The following NRG4 variants were observed in gnomAD, a reference collection of about 807,000 sequenced individuals.
NRG4 encodes neuregulin 4, also known as pro-neuregulin-4, membrane-bound isoform.
A neutral mutation model predicts 15.0 loss-of-function variants in NRG4; 10 were observed. The ratio of observed to expected loss-of-function variants is 0.67; its 90% CI spans 0.41 to 1.13. NRG4 has a LOEUF of 1.13. NRG4 is among the 50% of genes most tolerant of loss of function. The probability of loss-of-function intolerance (pLI) is 0.00; values close to 1 mark genes in which losing one functional copy is unlikely to be tolerated. For synonymous variants in NRG4, 41 were observed against 50.1 expected (o/e 0.82, Z 0.77); for missense variants, 139 against 140.2 (o/e 0.99, Z 0.04).
Position 76,009,239 on chromosome 15 carries a change from A to T in NRG4, c.65T>A (p.Leu22His). 6.2e-7 allele frequency: 1 copy of T among 1,604,810 alleles called. No homozygotes were observed. The highest frequency in any genetic ancestry group is 8.5e-7 in the Non-Finnish European group (1 of 1,172,306). The change falls in exon 3 of 6, where the codon CTT (leucine) becomes CAT (histidine). Residue 22 changes from leucine (L) to histidine (H), a missense_variant. Leu to His is a moderately conservative substitution (Grantham distance 99). Transcript: ENST00000394907. ...GGGAATAGTAGGTATCACATAACAAAGCCCCCCATTCAGGCAAAACGACTT... is the reference window on the plus strand; with the variant it reads ...GGGAATAGTAGGTATCACATAACAATGCCCCCCATTCAGGCAAAACGACTT... Reference protein sequence around the residue: ...SHKSFCLNGGLCYVIPTIPSP... With the variant: ...SHKSFCLNGGHCYVIPTIPSP...
chr15:76,051,855 G>A lies in NRG4; in HGVS notation c.-105+212C>T, dbSNP rs1596066454. On this transcript the variant is annotated intron_variant, in intron 4 of 8. Coordinates refer to the NRG4 transcript ENST00000563910. Reference sequence around the variant, plus strand: ...CAAAGTGCTAGGATTACAGGCGTGAGCCACCGTGCCCAGCCTAATTGAACA... The same window carrying A: ...CAAAGTGCTAGGATTACAGGCGTGAACCACCGTGCCCAGCCTAATTGAACA... Among the ~76,000 whole-genome samples the A allele has an allele frequency of 4.0e-5, 6 of 151,020 alleles. 2 individuals are homozygous for A. In the South Asian group the frequency reaches 1.2e-3, roughly 31 times the overall value.
intron 4 of NRG4, among the ~76,000 whole-genome samples, chr15:76,050,971 ATTTTTAT>A (rs1013686132): frequency 5.5e-5 from 8 of 145,082 alleles, no homozygotes; most frequent in Non-Finnish European, 1.0e-4. Context: ...ATGCCTGCCT[ATTTTTAT>A]TTATTTATTT....
chr15:76,058,687 C>T (rs2036216195), intron 1 of NRG4, among the ~76,000 whole-genome samples: 1 of 152,176 alleles, frequency 6.6e-6, no homozygotes, highest in Admixed American at 6.5e-5. Context: ...GAGCCAAAAG[C>T]CATTCTGAAA....
chr15:75,976,926 C>G (rs1345794634), intron 3 of NRG4, among the ~76,000 whole-genome samples: 1 of 152,140 alleles, frequency 6.6e-6, no homozygotes, highest in Admixed American at 6.5e-5. Context: ...GAAGCTGTGC[C>G]CACAGCTGCC....
At chr15:75,988,773 CA>C (rs1327950189) in intron 3 of NRG4, among the ~76,000 whole-genome samples, 1 of 149,864 alleles carries the variant, frequency 6.7e-6, no homozygotes, top group African/African-American at 2.5e-5. Context: ...GATGGGACCA[CA>C]AACACCCTGA....
chr15:76,048,987 T>C (rs1277501178), intron 4 of NRG4, among the ~76,000 whole-genome samples: 1 of 149,436 alleles, frequency 6.7e-6, no homozygotes, highest in East Asian at 1.9e-4. Flanking sequence ...GGAGGTGCAG[T>C]GAGCTGAGAT....
chr15:75,964,167 A>G (rs1369325660), intron 3 of NRG4, among the ~76,000 whole-genome samples: 2 of 152,112 alleles, frequency 1.3e-5, no homozygotes, highest in African/African-American at 4.8e-5. Flanking sequence ...ACACACACAC[A>G]CGCACCAATA....
chr15:76,047,583 CAG>C (rs2035901808), intron 4 of NRG4, among the ~76,000 whole-genome samples: 1 of 149,954 alleles, frequency 6.7e-6, no homozygotes, highest in Admixed American at 6.6e-5. Context: ...CTCATGAAGA[CAG>C]AGAGTAGAAT....
rs755263126 is a variant in NRG4 at position 76,011,270 on chromosome 15, G to C, written c.-40C>G. On this transcript the variant is annotated 5_prime_UTR_variant, in exon 2 of 6. Coordinates refer to ENST00000394907, the MANE Select transcript of NRG4 (RefSeq NM_138573.4). ...AGTTTCATTCTTGGTCAAGAGAGTAGGGTTGAAAAACAGTACCTAAAACGG... is the reference window on the plus strand; with the variant it reads ...AGTTTCATTCTTGGTCAAGAGAGTACGGTTGAAAAACAGTACCTAAAACGG... The C allele has an allele frequency of 1.8e-5, 26 of 1,419,094 alleles. No homozygotes were observed. The highest frequency in any genetic ancestry group is 2.2e-5 in the Non-Finnish European group (24 of 1,076,968). The allele number at this position is 1,419,094 out of a possible 1,614,324, so 87.9% of individuals were successfully genotyped here. A position where few individuals can be genotyped will look rare whatever the true frequency, so the allele number is the denominator to read the frequency against.
At chr15:76,041,831 C>T (rs2035750188) in intron 4 of NRG4, among the ~76,000 whole-genome samples, 1 of 152,034 alleles carries the variant, frequency 6.6e-6, no homozygotes, top group Admixed American at 6.6e-5. Flanking sequence ...CCACATGGAC[C>T]AAATAGATAC....
At chr15:75,971,085 C>T in intron 3 of NRG4, 6 of 263,930 alleles carry the variant, frequency 2.3e-5, no homozygotes, top group South Asian at 7.3e-5. Context: ...GAATTTTGTC[C>T]AGTATAATAA....
chr15:76,044,224 G>A lies in NRG4; in HGVS notation c.-105+7843C>T, dbSNP rs576340156. Among the ~76,000 whole-genome samples the A allele has an allele frequency of 3.8e-3, 562 of 149,438 alleles. 6 individuals carry two copies. Among genetic ancestry groups the A allele is most frequent in the Non-Finnish European group, 4.6e-3 (308 of 67,522 alleles). The stretch of plus-strand genomic sequence containing the variant: ...TCACCTTGTTAGCCAGGATGGTCTC[G>A]ATCTCCTGACCTCATGATCCACCCG... On this transcript the variant is annotated intron_variant, in intron 4 of 8. Transcript: ENST00000563910.
At chr15:75,980,439 A>G (rs1053529336) in intron 3 of NRG4, among the ~76,000 whole-genome samples, 3 of 151,630 alleles carry the variant, frequency 2.0e-5, no homozygotes, top group Non-Finnish European at 4.4e-5. Flanking sequence ...TCCCTAATCC[A>G]AAAGTCTAAA....
At chr15:76,011,050 A>G (rs567771327) in intron 2 of NRG4, among the ~76,000 whole-genome samples, 171 bp downstream of exon 2, 1 of 152,252 alleles carries the variant, frequency 6.6e-6, no homozygotes, top group East Asian at 1.9e-4. Context: ...TCACAAAGGA[A>G]GGTCTCTCAA....
chr15:76,052,906 T>C (rs900034601), intron 3 of NRG4: 16 of 151,308 alleles, frequency 1.1e-4, no homozygotes, highest in African/African-American at 3.9e-4. Flanking sequence ...TAGTATATTT[T>C]TGTAACTACA....
chr15:76,018,138 G>A (rs914073825), intron 5 of NRG4, among the ~76,000 whole-genome samples: 1 of 151,970 alleles, frequency 6.6e-6, no homozygotes, highest in Non-Finnish European at 1.5e-5. Flanking sequence ...ACTTGTGTAT[G>A]CTTGTTGAAG....
At chr15:76,024,465 G>C (rs1876449425) in intron 5 of NRG4, among the ~76,000 whole-genome samples, 1 of 152,188 alleles carries the variant, frequency 6.6e-6, no homozygotes, top group African/African-American at 2.4e-5. Context: ...CAGCCACCCG[G>C]GATACCCCTG....
chr15:76,019,068 G>A (rs1441592452), intron 5 of NRG4, among the ~76,000 whole-genome samples: 1 of 152,036 alleles, frequency 6.6e-6, no homozygotes, highest in Non-Finnish European at 1.5e-5. Flanking sequence ...TGTCTACAGT[G>A]GCTTTGCTGA....
At position 75,981,894 on chromosome 15, in the gene NRG4, T is replaced by C. The variant is rs555007957; in HGVS notation, c.105-19920A>G. On this transcript the variant is annotated intron_variant, in intron 3 of 5. Transcript: ENST00000394907. ...CAATAAATTTGAAAACCTGGATGAATTGGAAAATTTTGCTTAAAAATATAA... is the reference window on the plus strand; with the variant it reads ...CAATAAATTTGAAAACCTGGATGAACTGGAAAATTTTGCTTAAAAATATAA... 7.9e-5 allele frequency among the ~76,000 whole-genome samples: 12 copies of C among 152,136 alleles called. No individual in the cohort carries two copies. The East Asian group carries it at 1.3e-3, about 17-fold the overall frequency.
Sources: allele counts gnomAD v4.1 joint callset (sites outside exome capture counted in the v4.1 genomes callset), GRCh38; gene constraint gnomAD v4.1.1; transcripts MANE v1.5; gene names NCBI Gene and HGNC (gene_info 2026-07-23, HGNC 2026-07-21).